Variants in ATRNL1 observed in about 807,000 individuals in gnomAD.
ATRNL1 encodes attractin like 1.
A neutral mutation model predicts 182.7 loss-of-function variants in ATRNL1; 95 were observed. The observed-to-expected ratio is 0.52, with a 90% CI of 0.44 to 0.62. The LOEUF (loss-of-function observed/expected upper bound fraction) is 0.62, where lower values mean the gene tolerates loss of function less well. Among genes scored for constraint, ATRNL1 ranks in the 20% least tolerant of loss-of-function variants. The pLI is 0.00. For synonymous variants in ATRNL1, 576 were observed against 568.3 expected (o/e 1.01, Z -0.19); for missense variants, 1,471 against 1,679.5 (o/e 0.88, Z 2.17).
chr10:115,703,610 A>G (rs1044088669), intron 26 of ATRNL1, among the ~76,000 whole-genome samples: 2 of 151,874 alleles, frequency 1.3e-5, no homozygotes, highest in African/African-American at 4.8e-5. Flanking sequence ...ATGGATGTTC[A>G]TTATCTTATG....
At chr10:115,745,711 C>CA (rs1297534082) in intron 27 of ATRNL1, among the ~76,000 whole-genome samples, 1 of 152,044 alleles carries the variant, frequency 6.6e-6, no homozygotes, top group Non-Finnish European at 1.5e-5. Flanking sequence ...GATGTAATGG[C>CA]AAAAACTGCA....
intron 24 of ATRNL1, among the ~76,000 whole-genome samples, chr10:115,472,069 T>C (rs1848333487): frequency 6.6e-6 from 1 of 151,048 alleles, no homozygotes; most frequent in African/African-American, 2.4e-5. Flanking sequence ...TGCATATTGA[T>C]ATCCCAGTGT....
At chr10:115,475,546 A>G (rs1426488065) in intron 24 of ATRNL1, among the ~76,000 whole-genome samples, 4 of 151,210 alleles carry the variant, frequency 2.6e-5, no homozygotes, top group Admixed American at 1.3e-4. Flanking sequence ...TTTCTGTTGC[A>G]TTTGTCTTTC....
At chr10:115,529,206 G>A (rs1172294899) in intron 25 of ATRNL1, among the ~76,000 whole-genome samples, 5 of 151,822 alleles carry the variant, frequency 3.3e-5, no homozygotes, top group African/African-American at 1.2e-4. Context: ...ACTGAGAATG[G>A]AGTTGAATTA....
intron 10 of ATRNL1, among the ~76,000 whole-genome samples, chr10:115,260,859 G>A (rs61880823): frequency 7.2e-5 from 11 of 152,106 alleles, no homozygotes; most frequent in South Asian, 2.1e-4. Context: ...TAAAAAATGA[G>A]AAATTTAATA....
At chr10:115,743,105 C>T (rs1320749127) in intron 27 of ATRNL1, among the ~76,000 whole-genome samples, 1 of 151,986 alleles carries the variant, frequency 6.6e-6, no homozygotes, top group Non-Finnish European at 1.5e-5. Context: ...ATAGAGGTAA[C>T]CACTCCATGA....
At chr10:115,223,849 G>T (rs1849568045) in intron 9 of ATRNL1, among the ~76,000 whole-genome samples, 1 of 140,716 alleles carries the variant, frequency 7.1e-6, no homozygotes, top group African/African-American at 2.6e-5. Context: ...ATATATATGT[G>T]TATATATATT....
At chr10:115,430,303 C>G (rs1846096239) in intron 21 of ATRNL1, among the ~76,000 whole-genome samples, 1 of 151,680 alleles carries the variant, frequency 6.6e-6, no homozygotes, top group South Asian at 2.1e-4. Context: ...TTTTATTTAT[C>G]TTTTCTGTGG....
At chr10:115,932,421 C>A (rs923120957) in intron 28 of ATRNL1, among the ~76,000 whole-genome samples, 1 of 152,134 alleles carries the variant, frequency 6.6e-6, no homozygotes, top group South Asian at 2.1e-4. Flanking sequence ...TACCTGTTTT[C>A]GTTAAAATGC....
At chr10:115,348,452 A>G (rs72838304) in intron 19 of ATRNL1, among the ~76,000 whole-genome samples, 2 of 152,290 alleles carry the variant, frequency 1.3e-5, no homozygotes, top group Non-Finnish European at 2.9e-5. Flanking sequence ...CATAACATCA[A>G]TAAGTTTAGT....
chr10:115,897,867 GTCGTAACTTGCATT>G (rs1198891138), intron 28 of ATRNL1, among the ~76,000 whole-genome samples: 44 of 152,022 alleles, frequency 2.9e-4, no homozygotes, highest in Non-Finnish European at 2.5e-4. Flanking sequence ...ATTCATGTTA[GTCGTAACTTGCATT>G]TCTTTAAAAT....
intron 15 of ATRNL1, among the ~76,000 whole-genome samples, chr10:115,299,394 G>A (rs1373595608): frequency 2.6e-5 from 4 of 151,874 alleles, no homozygotes; most frequent in African/African-American, 4.8e-5. Flanking sequence ...TTATAGGCAC[G>A]AGCATCAGAT....
At chr10:115,427,156 T>G (rs2134398355) in intron 21 of ATRNL1, among the ~76,000 whole-genome samples, 1 of 152,352 alleles carries the variant, frequency 6.6e-6, no homozygotes, top group South Asian at 2.1e-4. Flanking sequence ...AGTCCAAGTT[T>G]TAGCCATTCT....
chr10:115,901,743 GAAAAAAAAAAA>G (rs562327427), intron 28 of ATRNL1, among the ~76,000 whole-genome samples: 2 of 58,050 alleles, frequency 3.4e-5, no homozygotes, highest in Non-Finnish European at 9.5e-5. Context: ...GAACTGAGAA[GAAAAAAAAAAA>G]AAAAAAAAAA....
chr10:115,757,885 G>A (rs2907521), intron 27 of ATRNL1, among the ~76,000 whole-genome samples: 143,823 of 151,394 alleles, frequency 0.95, 68,730 homozygotes, highest in East Asian at 1. Flanking sequence ...CTCTAATCTT[G>A]TCTTCTTGCT....
chr10:115,147,740 T>C (rs1846035285), intron 5 of ATRNL1, among the ~76,000 whole-genome samples: 1 of 152,154 alleles, frequency 6.6e-6, no homozygotes, highest in Admixed American at 6.5e-5. Flanking sequence ...CTTTCTCCAA[T>C]GTATGTTCTT....
At chr10:115,746,349 G>C (rs538492145) in intron 27 of ATRNL1, among the ~76,000 whole-genome samples, 2 of 152,058 alleles carry the variant, frequency 1.3e-5, no homozygotes, top group Admixed American at 1.3e-4. Flanking sequence ...CTCTTGATTT[G>C]ACCCATTTAC....
At chr10:115,458,595 G>C (rs1847640985) in intron 21 of ATRNL1, among the ~76,000 whole-genome samples, 1 of 152,050 alleles carries the variant, frequency 6.6e-6, no homozygotes, top group African/African-American at 2.4e-5. Flanking sequence ...GCCTGGCCAA[G>C]AATGTGGTTG....
At chr10:115,336,981 G>T (rs1045364533) in intron 19 of ATRNL1, among the ~76,000 whole-genome samples, 3 of 144,948 alleles carry the variant, frequency 2.1e-5, no homozygotes, top group Non-Finnish European at 4.5e-5. Context: ...AAGTAGCTGG[G>T]GGGGGGGGAC....
Sources: gnomAD v4.1 joint callset for allele counts (sites outside exome capture counted in the v4.1 genomes callset) on GRCh38, gnomAD v4.1.1 for gene constraint, MANE v1.5 for transcripts, NCBI Gene and HGNC (gene_info 2026-07-23, HGNC 2026-07-21) for gene names.